ANKRD36B: variants seen among roughly 807,000 people sequenced by gnomAD.
ANKRD36B encodes the protein ankyrin repeat domain-containing protein 36B.
In ANKRD36B, 37 loss-of-function variants were observed where a neutral mutation model predicts 135.7. The observed-to-expected ratio is 0.27, with a 90% confidence interval of 0.21 to 0.36. The LOEUF (loss-of-function observed/expected upper bound fraction) is 0.36, where lower values mean the gene tolerates loss of function less well. ANKRD36B is among the 10% of genes least tolerant of loss of function. The probability of loss-of-function intolerance (pLI) is 1.00; values close to 1 mark genes in which losing one functional copy is unlikely to be tolerated. For missense variants in ANKRD36B, 549 were observed against 1,037.1 expected (o/e 0.53, Z 6.46); for synonymous variants, 179 against 348.1 (o/e 0.51, Z 5.41).
At chr2:97,557,902 C>T (rs755205657) in intron 10 of ANKRD36B, among the ~76,000 whole-genome samples, 4 of 151,746 alleles carry the variant, frequency 2.6e-5, no homozygotes, top group South Asian at 2.1e-4. Context: ...TAACCTTTGA[C>T]ATTTGGAAAT....
chr2:97,582,247 T>G (rs1471256998), intron 3 of ANKRD36B, among the ~76,000 whole-genome samples: 1 of 152,228 alleles, frequency 6.6e-6, no homozygotes, highest in East Asian at 1.9e-4. Flanking sequence ...ATTTATGGTA[T>G]GTATAAATAG....
At chr2:97,569,219 T>C (rs1341739422) in intron 6 of ANKRD36B, among the ~76,000 whole-genome samples, 2 of 152,154 alleles carry the variant, frequency 1.3e-5, no homozygotes, top group Non-Finnish European at 2.9e-5. Context: ...GTAAAGCATA[T>C]GCCATTAAAT....
At chr2:97,571,418 C>T (rs551138418) in intron 6 of ANKRD36B, among the ~76,000 whole-genome samples, 6 of 152,024 alleles carry the variant, frequency 3.9e-5, no homozygotes, top group Admixed American at 2.6e-4. Context: ...GAGGCTGGGG[C>T]GGGCGGATCA....
rs533484650 is a variant in ANKRD36B at position 97,534,212 on chromosome 2, C to T, written c.2192-1828G>A. Among the ~76,000 whole-genome samples, 12 of 96,090 alleles carry T rather than the reference C, an allele frequency of 1.2e-4. 2 individuals carry two copies. The South Asian group carries it at 2.8e-3, about 23-fold the overall frequency. The allele number at this position is 96,090 out of a possible 152,430, so 63.0% of individuals were successfully genotyped here. A position where few individuals can be genotyped will look rare whatever the true frequency, so the allele number is the denominator to read the frequency against. On this transcript the variant is annotated intron_variant, in intron 34 of 43. Coordinates refer to ENST00000359901, the MANE Select transcript of ANKRD36B (RefSeq NM_001393939.1). ...GGTTTTGTTATTCAAAGAATGAATG[C>T]TATAACTTTTTGTTTCTAAAATTAG...
chr2:97,549,372 TTATC>T, intron 20 of ANKRD36B, 43 bp downstream of exon 20: 2 of 1,523,554 alleles, frequency 1.3e-6, no homozygotes, highest in Non-Finnish European at 1.8e-6. Flanking sequence ...AGAGAACTTC[TTATC>T]TATCTGGACT....
chr2:97,546,218 T>G (rs1476461745), intron 22 of ANKRD36B, among the ~76,000 whole-genome samples: 9 of 151,758 alleles, frequency 5.9e-5, no homozygotes, highest in Non-Finnish European at 7.4e-5. Context: ...AGGTGCTACA[T>G]GATCCCACAT....
intron 6 of ANKRD36B, among the ~76,000 whole-genome samples, chr2:97,562,738 G>C (rs2081139711): frequency 1.3e-5 from 2 of 151,922 alleles, no homozygotes; most frequent in African/African-American, 4.8e-5. Context: ...TGTGACATCT[G>C]TACAGTCCCA....
chr2:97,585,961 G>A (rs1362677205), intron 1 of ANKRD36B, among the ~76,000 whole-genome samples: 1 of 152,040 alleles, frequency 6.6e-6, no homozygotes, highest in African/African-American at 2.4e-5. Flanking sequence ...AACATCTCCT[G>A]ACATTGGAAA....
At chr2:97,535,525 A>G (rs1408074080) in intron 34 of ANKRD36B, among the ~76,000 whole-genome samples, 1 of 119,798 alleles carries the variant, frequency 8.3e-6, no homozygotes, top group African/African-American at 2.5e-5. Context: ...TGTGCTAATC[A>G]GAACATCCGA....
chr2:97,573,657 A>G (rs1293350153), intron 6 of ANKRD36B, among the ~76,000 whole-genome samples: 2 of 152,224 alleles, frequency 1.3e-5, no homozygotes, highest in Non-Finnish European at 2.9e-5. Flanking sequence ...GGCTAGAGTA[A>G]CCAAAACAGC....
At position 97,589,566 on chromosome 2, in the gene ANKRD36B, C is replaced by G; in HGVS notation, c.120G>C (p.Leu40=). The change falls in exon 1 of 44, where the codon CTG becomes CTC. Residue 40 remains leucine, a synonymous_variant. Coordinates refer to ENST00000359901, the MANE Select transcript of ANKRD36B (RefSeq NM_001393939.1). ...RGNLEKLKYL[L]LTYYDANKRD... is the part of the protein sequence containing the mutation. The stretch of plus-strand genomic sequence containing the variant: ...TCTTATTGGCGTCATAATACGTGAG[C>G]AGAAGGTACTTCAGTTTCTCCAGAT... 6.2e-7 allele frequency: 1 copy of G among 1,611,418 alleles called. No homozygotes were observed. The highest frequency in any genetic ancestry group is 8.5e-7 in the Non-Finnish European group (1 of 1,178,618).
intron 6 of ANKRD36B, among the ~76,000 whole-genome samples, chr2:97,564,537 CTT>C (rs1244194893): frequency 2.6e-5 from 4 of 152,090 alleles, no homozygotes; most frequent in Admixed American, 6.6e-5. Context: ...TTTAATGCAC[CTT>C]GAGTTAATTT....
intron 8 of ANKRD36B, 79 bp from the exon 9 acceptor site, chr2:97,559,073 T>C (rs1363406824): frequency 6.3e-7 from 1 of 1,584,970 alleles, no homozygotes; most frequent in Non-Finnish European, 8.5e-7. Context: ...AGTGTTAGCA[T>C]CAAGCTGTAT....
At chr2:97,561,828 A>G (rs926252635) in intron 6 of ANKRD36B, among the ~76,000 whole-genome samples, 2 of 151,976 alleles carry the variant, frequency 1.3e-5, no homozygotes, top group African/African-American at 2.4e-5. Flanking sequence ...TCTCATTTGA[A>G]TAACCAATAT....
intron 22 of ANKRD36B, 170 bp downstream of exon 22, chr2:97,547,365 GT>G (rs1333072301): frequency 1.5e-5 from 12 of 804,176 alleles, no homozygotes; most frequent in Admixed American, 1.2e-4. Context: ...CGAAGATCAT[GT>G]TCCAGACCAG....
intron 6 of ANKRD36B, among the ~76,000 whole-genome samples, chr2:97,575,811 T>C (rs1301589034): frequency 6.6e-6 from 1 of 152,110 alleles, no homozygotes; most frequent in Non-Finnish European, 1.5e-5. Context: ...AGATTGATAG[T>C]AGTTCAAGCA....
At chr2:97,561,929 T>C (rs2081062144) in intron 6 of ANKRD36B, among the ~76,000 whole-genome samples, 1 of 151,936 alleles carries the variant, frequency 6.6e-6, no homozygotes, top group Non-Finnish European at 1.5e-5. Context: ...CTTTCCTGCT[T>C]CCAGTAGTTC....
chr2:97,547,691 C>T lies in ANKRD36B; in HGVS notation c.1506+12G>A, dbSNP rs550629255. 11 of 1,558,834 alleles carry T rather than the reference C, an allele frequency of 7.1e-6. No homozygotes were observed. In the Admixed American group the frequency reaches 9.3e-5, roughly 13 times the overall value. ...ATTTACTAGTTCACAATATAAATGA[C>T]AGTTTCATTACCTTCAAGCCTGGTG... On this transcript the variant is annotated intron_variant, in intron 21 of 43. Coordinates refer to ENST00000359901, the MANE Select transcript of ANKRD36B (RefSeq NM_001393939.1).
intron 18 of ANKRD36B, among the ~76,000 whole-genome samples, chr2:97,549,844 T>C (rs988362105): frequency 6.6e-6 from 1 of 151,900 alleles, no homozygotes; most frequent in Non-Finnish European, 1.5e-5. Flanking sequence ...TGATTTCTCA[T>C]ATGTCAAAAA....
Sources: gnomAD v4.1 joint callset for allele counts (sites outside exome capture counted in the v4.1 genomes callset) on GRCh38, gnomAD v4.1.1 for gene constraint, MANE v1.5 for transcripts, NCBI Gene and HGNC (gene_info 2026-07-23, HGNC 2026-07-21) for gene names.